APBA1: variants seen among roughly 807,000 people sequenced by gnomAD.
APBA1 encodes the protein amyloid beta precursor protein binding family A member 1, also known as amyloid-beta A4 precursor protein-binding family A member 1.
APBA1 carries 55 observed loss-of-function variants against 86.6 expected under a neutral mutation model. The observed-to-expected ratio is 0.64, with a 90% CI of 0.51 to 0.80. The LOEUF (loss-of-function observed/expected upper bound fraction) is 0.80, where lower values mean the gene tolerates loss of function less well. Ranked by LOEUF, APBA1 falls within the 30% of genes least tolerant of loss-of-function variation. APBA1 has a pLI of 0.00. For synonymous variants in APBA1, 511 were observed against 493.9 expected (o/e 1.03, Z -0.46); for missense variants, 1,090 against 1,183.0 (o/e 0.92, Z 1.15).
chr9:69,605,252 C>T (rs899969303), intron 1 of APBA1, among the ~76,000 whole-genome samples: 1 of 151,894 alleles, frequency 6.6e-6, no homozygotes. Flanking sequence ...AACGATGGTA[C>T]TAACCTCCTT....
intron 1 of APBA1, among the ~76,000 whole-genome samples, chr9:69,621,518 G>A (rs972977184): frequency 1.3e-5 from 2 of 152,160 alleles, no homozygotes; most frequent in Admixed American, 6.5e-5. Flanking sequence ...TGGCTCTTGA[G>A]TCAGACTGCT....
chr9:69,527,540 A>G (rs1836363586), intron 1 of APBA1, among the ~76,000 whole-genome samples: 1 of 152,128 alleles, frequency 6.6e-6, no homozygotes, highest in South Asian at 2.1e-4. Context: ...CAGCTTAAAT[A>G]ACTTGTCCAA....
intron 10 of APBA1, among the ~76,000 whole-genome samples, chr9:69,446,280 G>A (rs532457575): frequency 4.2e-4 from 63 of 151,706 alleles, no homozygotes; most frequent in African/African-American, 1.4e-3. Flanking sequence ...GTCCACGGAC[G>A]GACCATCACA....
intron 1 of APBA1, among the ~76,000 whole-genome samples, chr9:69,627,152 C>T (rs1822949519): frequency 6.6e-6 from 1 of 152,032 alleles, no homozygotes; most frequent in South Asian, 2.1e-4. Context: ...ATAATAATTT[C>T]CAAGAATATG....
At chr9:69,483,513 G>A (rs1046857572) in intron 2 of APBA1, among the ~76,000 whole-genome samples, 1 of 152,048 alleles carries the variant, frequency 6.6e-6, no homozygotes, top group African/African-American at 2.4e-5. Context: ...GGGGAGCTTG[G>A]TGAGCATAGT....
At chr9:69,592,052 TC>T (rs1279375694) in intron 1 of APBA1, among the ~76,000 whole-genome samples, 11 of 152,216 alleles carry the variant, frequency 7.2e-5, no homozygotes, top group Admixed American at 5.2e-4. Flanking sequence ...CAAAGATTGG[TC>T]CTCTCCTTAC....
At chr9:69,446,379 T>G (rs1296413962) in intron 10 of APBA1, among the ~76,000 whole-genome samples, 1 of 152,202 alleles carries the variant, frequency 6.6e-6, no homozygotes, top group Non-Finnish European at 1.5e-5. Flanking sequence ...ACTTCTTCAC[T>G]ATGGGTGGCC....
intron 1 of APBA1, among the ~76,000 whole-genome samples, chr9:69,566,419 T>C (rs1363424798): frequency 1.3e-5 from 2 of 152,190 alleles, no homozygotes; most frequent in African/African-American, 4.8e-5. Context: ...ACTGGGTCTT[T>C]TATCTGCCAC....
intron 1 of APBA1, among the ~76,000 whole-genome samples, chr9:69,566,246 T>C (rs1588367522): frequency 6.6e-6 from 1 of 152,184 alleles, no homozygotes; most frequent in Admixed American, 6.5e-5. Context: ...ATCAACAACA[T>C]TCTCATGTGG....
intron 1 of APBA1, among the ~76,000 whole-genome samples, chr9:69,599,123 A>AAG (rs1448242207): frequency 6.6e-6 from 1 of 152,204 alleles, no homozygotes; most frequent in Non-Finnish European, 1.5e-5. Context: ...TTACAAGATG[A>AAG]AGAGCTCTAA....
At chr9:69,436,132 G>A (rs1588281282) in intron 11 of APBA1, among the ~76,000 whole-genome samples, 1 of 149,776 alleles carries the variant, frequency 6.7e-6, no homozygotes, top group Non-Finnish European at 1.5e-5. Flanking sequence ...CTGTTCCATT[G>A]GTCTATATCT....
intron 10 of APBA1, among the ~76,000 whole-genome samples, chr9:69,447,371 T>C (rs551013137): frequency 3.3e-5 from 5 of 152,204 alleles, no homozygotes; most frequent in African/African-American, 4.8e-5. Flanking sequence ...TTCTCTCTCT[T>C]GCATCTGAAC....
In APBA1 at chr9:69,597,803, G is replaced by A. The variant is rs142129774; in HGVS notation, c.-70+74350C>T. Among the ~76,000 whole-genome samples, 251 of 152,282 alleles carry A rather than the reference G, an allele frequency of 1.6e-3. 3 individuals are homozygous for A. The South Asian group carries it at 0.04, about 24-fold the overall frequency. ...CGCATTGCTTGTTTTTCTCAGGTTT[G>A]TCGAAGATAGGAACACTTTTACACT... On this transcript the variant is annotated intron_variant, in intron 1 of 12. Transcript: ENST00000265381.
intron 1 of APBA1, among the ~76,000 whole-genome samples, chr9:69,569,851 G>C (rs1357473931): frequency 1.3e-5 from 2 of 152,124 alleles, no homozygotes; most frequent in South Asian, 2.1e-4. Flanking sequence ...TGCCTAGGCA[G>C]ATATGAACAG....
intron 1 of APBA1, among the ~76,000 whole-genome samples, chr9:69,547,629 G>T (rs143345444): frequency 2.6e-5 from 4 of 152,344 alleles, no homozygotes; most frequent in African/African-American, 7.2e-5. Flanking sequence ...CACTGAAAAT[G>T]CTGATTACTA....
At chr9:69,527,121 G>C (rs1043701051) in intron 1 of APBA1, among the ~76,000 whole-genome samples, 1 of 151,874 alleles carries the variant, frequency 6.6e-6, no homozygotes, top group Non-Finnish European at 1.5e-5. Flanking sequence ...AAATTACTGG[G>C]TACTATGCTC....
At position 69,656,899 on chromosome 9, in the gene APBA1, G is replaced by T. The variant is rs550486747; in HGVS notation, c.-70+15254C>A. 2.1e-3 allele frequency among the ~76,000 whole-genome samples: 301 copies of T among 144,420 alleles called. 1 individual carries two copies. The highest frequency in any genetic ancestry group is 7.1e-3 in the African/African-American group (281 of 39,334). The allele number at this position is 144,420 out of a possible 152,430, so 94.7% of individuals were successfully genotyped here. ...TGTCGCCCAGGCCGGACTGCGGACT[G>T]CAGTGGCGCTGTCTTGGCTCACTGC... On this transcript the variant is annotated intron_variant, in intron 1 of 12. Coordinates refer to ENST00000265381, the MANE Select transcript of APBA1 (RefSeq NM_001163.4).
chr9:69,541,902 T>C (rs1170570737), intron 1 of APBA1, among the ~76,000 whole-genome samples: 1 of 152,162 alleles, frequency 6.6e-6, no homozygotes, highest in Non-Finnish European at 1.5e-5. Context: ...TATTTTTAAT[T>C]TTCTTTTTAG....
chr9:69,461,626 T>G (rs1038654819), intron 5 of APBA1: 1 of 152,228 alleles, frequency 6.6e-6, no homozygotes, highest in Non-Finnish European at 1.5e-5. Flanking sequence ...TATTATGTTA[T>G]CCTCATTTTT....
Sources: gnomAD v4.1 joint callset for allele counts (sites outside exome capture counted in the v4.1 genomes callset) on GRCh38, gnomAD v4.1.1 for gene constraint, MANE v1.5 for transcripts, NCBI Gene and HGNC (gene_info 2026-07-23, HGNC 2026-07-21) for gene names.